The following CASKIN1 variants were observed in gnomAD, a reference collection of about 807,000 sequenced individuals.
The protein encoded by CASKIN1 is CASK interacting protein 1.
In CASKIN1, 42 loss-of-function variants were observed where a neutral mutation model predicts 117.5. That is an observed-to-expected ratio of 0.36 (90% confidence interval 0.28 to 0.46). The LOEUF (loss-of-function observed/expected upper bound fraction) is 0.46. Among genes scored for constraint, CASKIN1 ranks in the 20% least tolerant of loss-of-function variants. CASKIN1 has a pLI of 1.00. For synonymous variants in CASKIN1, 1,148 were observed against 961.7 expected (o/e 1.19, Z -3.59); for missense variants, 2,083 against 2,077.3 (o/e 1.00, Z -0.05).
rs990689762 is a variant in CASKIN1 at position 2,179,665 on chromosome 16, G to A, written c.3703C>T (p.Pro1235Ser). The A allele has an allele frequency of 2.0e-6, 3 of 1,512,940 alleles. No homozygotes were observed. In the African/African-American group the frequency reaches 4.2e-5, roughly 21 times the overall value. The allele number at this position is 1,512,940 out of a possible 1,614,324, so 93.7% of individuals were successfully genotyped here. ...PVSPKPVLTQ[P>S]VPKLQGSPTP... ...GGCGAGCCCTGGAGCTTGGGCACAG[G>A]CTGCGTCAGGACGGGCTTGGGAGAG... The change falls in exon 18 of 20, where the codon CCT (proline) becomes TCT (serine). Residue 1235 changes from proline (P) to serine (S), a missense_variant. Physicochemically the swap from Pro to Ser is moderately conservative, Grantham distance 74. Transcript: ENST00000343516. The surrounding 1 kb of genome is among the most constrained non-coding windows in gnomAD (Gnocchi z 5.8).
At chr16:2,191,170 G>C (rs1241561279) in intron 1 of CASKIN1, among the ~76,000 whole-genome samples, 1 of 152,218 alleles carries the variant, frequency 6.6e-6, no homozygotes, top group Non-Finnish European at 1.5e-5. Flanking sequence ...CCCATTTGTG[G>C]GTCAGTCACT....
Position 2,182,052 on chromosome 16 carries a change from G to T in CASKIN1, c.1630-123C>A. On this transcript the variant is annotated intron_variant, in intron 16 of 19. Transcript: ENST00000343516. The surrounding 1 kb of genome is among the most constrained non-coding windows in gnomAD (Gnocchi z 4.1). ...GCACAGACAGACAGGAGGACAAACG[G>T]ATAGGCCGAGGTATTGGCACCAGAA... is the stretch of plus-strand genomic sequence containing the variant. 1 of 1,378,068 alleles carries T rather than the reference G, an allele frequency of 7.3e-7. No homozygotes were observed. Among genetic ancestry groups the T allele is most frequent in the Non-Finnish European group, 1.0e-6 (1 of 999,700 alleles). 85.4% of individuals were successfully genotyped at this position (1,378,068 alleles called of 1,614,324 possible).
At chr16:2,183,785 C>T (rs1171485007) in intron 15 of CASKIN1, 38 bp from the exon 16 acceptor site, 1 of 1,611,908 alleles carries the variant, frequency 6.2e-7, no homozygotes, top group East Asian at 2.2e-5. Flanking sequence ...GGGGCTGGGC[C>T]CATCTGTGGG....
rs374640749 is a variant in CASKIN1 at position 2,180,907 on chromosome 16, G to T, written c.2461C>A (p.Arg821Ser). The change falls in exon 18 of 20, where the codon CGC becomes AGC. Residue 821 changes from arginine to serine, a missense_variant. Coordinates refer to ENST00000343516, the MANE Select transcript of CASKIN1 (RefSeq NM_020764.4). The part of the protein sequence containing the change: ...LPPTERPMSP[R>S]SLPQSPTHRG... The stretch of plus-strand genomic sequence containing the variant: ...TGCGTCGGTGACTGAGGCAGGGAGC[G>T]GGGTGACATGGGGCGCTCTGTCGGC... The T allele has an allele frequency of 4.1e-6, 6 of 1,452,004 alleles. No individual in the cohort carries two copies. The highest frequency in any genetic ancestry group is 2.9e-5 in the Admixed American group (1 of 34,154). The allele number at this position is 1,452,004 out of a possible 1,614,324, so 89.9% of individuals were successfully genotyped here.
In CASKIN1 at chr16:2,180,770, G is replaced by A. The variant is rs773707731; in HGVS notation, c.2598C>T (p.Pro866=). 2.2e-5 allele frequency: 32 copies of A among 1,431,210 alleles called. No individual in the cohort carries two copies. The highest frequency in any genetic ancestry group is 2.6e-5 in the Non-Finnish European group (29 of 1,100,818). The allele number at this position is 1,431,210 out of a possible 1,614,324, so 88.7% of individuals were successfully genotyped here. A position where few individuals can be genotyped will look rare whatever the true frequency, so the allele number is the denominator to read the frequency against. ...VPTAVPTLCL[P]PEADAEPGRP... ...GCCCCGGCTCCGCGTCGGCCTCAGG[G>A]GGCAGGCACAGTGTGGGCACAGCCG... Residue 866 remains proline, a synonymous_variant, in exon 18 of 20, where the codon CCC becomes CCT. Transcript: ENST00000343516.
In CASKIN1 at chr16:2,182,125, TCGCACACATG is replaced by T. The variant is rs892967057; in HGVS notation, c.1630-206_1630-197del. Among the ~76,000 whole-genome samples the T allele has an allele frequency of 2.6e-5, 4 of 152,012 alleles. No individual in the cohort carries two copies. Among genetic ancestry groups the T allele is most frequent in the African/African-American group, 9.7e-5 (4 of 41,382 alleles). On this transcript the variant is annotated intron_variant, in intron 16 of 19. Coordinates refer to ENST00000343516, the MANE Select transcript of CASKIN1 (RefSeq NM_020764.4). The surrounding 1 kb of genome is among the most constrained non-coding windows in gnomAD (Gnocchi z 4.1). ...GGCACCGGACACTGCATGCCGCATA[TCGCACACATG>T]CGCACACACGCACGGCTGCCCACAT...
rs779235995 is a variant in CASKIN1, at chr16:2,187,469, G to A, written c.618-8C>T. On this transcript the variant is annotated splice_polypyrimidine_tract_variant and splice_region_variant and intron_variant, in intron 6 of 19. Coordinates refer to ENST00000343516, the MANE Select transcript of CASKIN1 (RefSeq NM_020764.4). ...CCGGCTTGGAGGAGGAGCCTGGCGG[G>A]AAGGCAAGGTGGACAGGCGGGGCCT... The A allele has an allele frequency of 4.1e-5, 66 of 1,600,834 alleles. No homozygotes were observed. The highest frequency in any genetic ancestry group is 4.8e-5 in the Non-Finnish European group (57 of 1,179,348).
Position 2,187,199 on chromosome 16 carries a change from G to A in CASKIN1, c.802C>T (p.Gln268Ter). 1 of 1,613,976 alleles carries A rather than the reference G, an allele frequency of 6.2e-7. No individual in the cohort carries two copies. The highest frequency in any genetic ancestry group is 8.5e-7 in the Non-Finnish European group (1 of 1,179,970). Residue 268 changes from glutamine (Q) to a stop codon, truncating the protein, a stop_gained, in exon 8 of 20, where the codon CAG becomes TAG. Coordinates refer to ENST00000343516, the MANE Select transcript of CASKIN1 (RefSeq NM_020764.4). LOFTEE classifies it high-confidence loss of function. Reference protein sequence around the residue: ...LDIVHQFTTSQASREIKQLLR... With the variant: ...LDIVHQFTTS ...AGCTGCTTGATCTCCCTGCTGGCCT[G>A]GGACGTGGTGAACTGGTGCACGATG...
Position 2,179,554 on chromosome 16 carries a change from G to A in CASKIN1, c.3775+39C>T, listed in dbSNP as rs1039516841. On this transcript the variant is annotated intron_variant, in intron 18 of 19. Coordinates refer to ENST00000343516, the MANE Select transcript of CASKIN1 (RefSeq NM_020764.4). This position sits in a 1 kb window ranked among gnomAD's most constrained non-coding sequence, Gnocchi z 5.8. ...GACCACCGAGTAAGGAGGTGGAGCAGGGTCCTGTTGCCCCTTCACCCCACC... is the reference window on the plus strand; with the variant it reads ...GACCACCGAGTAAGGAGGTGGAGCAAGGTCCTGTTGCCCCTTCACCCCACC... The A allele has an allele frequency of 7.1e-7, 1 of 1,417,916 alleles. No individual in the cohort carries two copies. Among genetic ancestry groups the A allele is most frequent in the Non-Finnish European group, 9.2e-7 (1 of 1,088,482 alleles). 87.8% of individuals were successfully genotyped at this position (1,417,916 alleles called of 1,614,324 possible). A position where few individuals can be genotyped will look rare whatever the true frequency, so the allele number is the denominator to read the frequency against.
rs867119062 is a variant in CASKIN1, at chr16:2,179,658, G to A, written c.3710C>T (p.Pro1237Leu). The A allele has an allele frequency of 2.0e-6, 3 of 1,507,966 alleles. No homozygotes were observed. The highest frequency in any genetic ancestry group is 2.6e-6 in the Non-Finnish European group (3 of 1,135,014). 93.4% of individuals were successfully genotyped at this position (1,507,966 alleles called of 1,614,324 possible). The stretch of plus-strand genomic sequence containing the variant: ...GGGTGTGGGCGAGCCCTGGAGCTTG[G>A]GCACAGGCTGCGTCAGGACGGGCTT... ...SPKPVLTQPV[P>L]KLQGSPTPTS... Residue 1237 changes from proline to leucine, a missense_variant, in exon 18 of 20, where the codon CCC becomes CTC. Pro to Leu is a moderately conservative substitution (Grantham distance 98). Coordinates refer to ENST00000343516, the MANE Select transcript of CASKIN1 (RefSeq NM_020764.4). This position sits in a 1 kb window ranked among gnomAD's most constrained non-coding sequence, Gnocchi z 5.8.
chr16:2,183,271 G>T (rs912784576), intron 16 of CASKIN1, among the ~76,000 whole-genome samples: 2 of 152,226 alleles, frequency 1.3e-5, no homozygotes, highest in Non-Finnish European at 2.9e-5. Context: ...CTGGGTGCCT[G>T]TGAGCAAAGG....
In CASKIN1 at chr16:2,179,036, C is replaced by CGCG. The variant is rs553373927; in HGVS notation, c.4062_4064dup (p.Ala1355dup). ...AGGCGCCTTCGGGCGGGGCGGGGGG[C>CGCG]GCGGCGGCGGCGGCGGCGGCGGCGG... On this transcript the variant is annotated inframe_insertion, in exon 19 of 20. Transcript: ENST00000343516. The surrounding 1 kb of genome is among the most constrained non-coding windows in gnomAD (Gnocchi z 5.8). 0.012 allele frequency: 13,248 copies of CGCG among 1,116,358 alleles called. 455 individuals are homozygous for CGCG. The African/African-American group carries it at 0.13, about 11-fold the overall frequency. 69.2% of individuals were successfully genotyped at this position (1,116,358 alleles called of 1,614,324 possible).
In CASKIN1 at chr16:2,181,412, G is replaced by T; in HGVS notation, c.1956C>A (p.Phe652Leu). 6.2e-7 allele frequency: 1 copy of T among 1,612,084 alleles called. No individual in the cohort carries two copies. The highest frequency in any genetic ancestry group is 8.5e-7 in the Non-Finnish European group (1 of 1,179,774). The change falls in exon 18 of 20, where the codon TTC becomes TTA. Residue 652 changes from phenylalanine to leucine, a missense_variant. Physicochemically the swap from Phe to Leu is conservative, Grantham distance 22. Around this residue, in one of 3 missense-constraint regions of CASKIN1, gnomAD observed 1,818 missense variants for 1,688.9 expected, o/e 1.08. Transcript: ENST00000343516. ...GCTCGTCACTGAGCTCGCTGTCCTG[G>T]AAGGTGGTCATTTTAGGGGACTGGC... is the stretch of plus-strand genomic sequence containing the variant. ...ADCQSPKMTT[F>L]QDSELSDELQ...
In CASKIN1 at chr16:2,177,746, C is replaced by G. The variant is rs1450229407; in HGVS notation, c.*804G>C. 1.6e-5 allele frequency: 4 copies of G among 244,136 alleles called. No homozygotes were observed. Among genetic ancestry groups the G allele is most frequent in the African/African-American group, 8.9e-5 (4 of 45,090 alleles). The allele number at this position is 244,136 out of a possible 1,614,324, so 15.1% of individuals were successfully genotyped here. On this transcript the variant is annotated 3_prime_UTR_variant, in exon 20 of 20. Transcript: ENST00000343516. ...CCCACATTCACCAAACCCACCCGCG[C>G]CCTGGGACGCAGCCACGCCAGGAGG... is the stretch of plus-strand genomic sequence containing the variant.
Position 2,179,230 on chromosome 16 carries a change from G to T in CASKIN1, c.3871C>A (p.Pro1291Thr). Residue 1291 changes from proline to threonine, a missense_variant, in exon 19 of 20, where the codon CCT (proline) becomes ACT (threonine). Physicochemically the swap from Pro to Thr is conservative, Grantham distance 38. Transcript: ENST00000343516. The surrounding 1 kb of genome is among the most constrained non-coding windows in gnomAD (Gnocchi z 5.8). ...GGTGAAGGGCCGGCGCTGCCCGAAG[G>T]CAGCCCCGCGACCGCCTTGACGGGC... ...PKPVKAVAGLPSGSAGPSPAP... is the reference protein window; with the variant it reads ...PKPVKAVAGLTSGSAGPSPAP... The T allele has an allele frequency of 8.4e-7, 1 of 1,189,764 alleles. No individual in the cohort carries two copies. Among genetic ancestry groups the T allele is most frequent in the Non-Finnish European group, 1.0e-6 (1 of 961,272 alleles). 73.7% of individuals were successfully genotyped at this position (1,189,764 alleles called of 1,614,324 possible).
intron 1 of CASKIN1, among the ~76,000 whole-genome samples, chr16:2,192,890 T>C (rs2093204995): frequency 6.6e-6 from 1 of 152,248 alleles, no homozygotes; most frequent in South Asian, 2.1e-4. Context: ...AGTTGCGGAC[T>C]GGATCGATCT....
In CASKIN1 at chr16:2,188,889, G is replaced by A. The variant is rs2093192674; in HGVS notation, c.617+138C>T. 3.2e-6 allele frequency: 4 copies of A among 1,267,356 alleles called. No homozygotes were observed. The South Asian group carries it at 5.8e-5, about 18-fold the overall frequency. The allele number at this position is 1,267,356 out of a possible 1,614,324, so 78.5% of individuals were successfully genotyped here. A position where few individuals can be genotyped will look rare whatever the true frequency, so the allele number is the denominator to read the frequency against. On this transcript the variant is annotated intron_variant, in intron 6 of 19. Coordinates refer to ENST00000343516, the MANE Select transcript of CASKIN1 (RefSeq NM_020764.4). Reference sequence around the variant, plus strand: ...CCTGTACATGGGCCCTGGAGGCCATGCCAGAGGCCTGACCAGGGACCTGGG... The same window carrying A: ...CCTGTACATGGGCCCTGGAGGCCATACCAGAGGCCTGACCAGGGACCTGGG...
intron 1 of CASKIN1, among the ~76,000 whole-genome samples, chr16:2,193,309 G>A (rs2093206209): frequency 6.6e-6 from 1 of 152,308 alleles, no homozygotes; most frequent in Middle Eastern, 3.4e-3. Context: ...GAGCCACCAT[G>A]CCCGGCCTGA....
rs926651943 is a variant in CASKIN1 at position 2,189,440 on chromosome 16, G to A, written c.369C>T (p.Ala123=). The A allele has an allele frequency of 3.1e-6, 5 of 1,611,822 alleles. No individual in the cohort carries two copies. The African/African-American group carries it at 6.7e-5, about 22-fold the overall frequency. The part of the protein sequence containing the change: ...DEGHIPLHLA[A]QHGHYDVSEM... Reference sequence around the variant, plus strand: ...TCACCACATCATAGTGACCATGCTGGGCCGCCAGGTGCAGGGGGATGTGGC... The same window carrying A: ...TCACCACATCATAGTGACCATGCTGAGCCGCCAGGTGCAGGGGGATGTGGC... Residue 123 remains alanine (A), a synonymous_variant, in exon 4 of 20, where the codon GCC becomes GCT. Coordinates refer to ENST00000343516, the MANE Select transcript of CASKIN1 (RefSeq NM_020764.4).
Sources: gnomAD v4.1 joint callset for allele counts (sites outside exome capture counted in the v4.1 genomes callset) on GRCh38, gnomAD v4.1.1 for gene constraint, gnomAD v4.1.1 regional missense constraint, Gnocchi (gnomAD v3.1) non-coding constraint, MANE v1.5 for transcripts, NCBI Gene and HGNC (gene_info 2026-07-23, HGNC 2026-07-21) for gene names.